Variants in EFCAB13 observed in about 807,000 individuals in gnomAD.
EFCAB13 encodes EF-hand calcium binding domain 13.
In EFCAB13, 91 loss-of-function variants were observed where a neutral mutation model predicts 110.2. That is an observed-to-expected ratio of 0.83 (90% CI 0.70 to 0.98). The LOEUF is 0.98. Ranked by LOEUF, EFCAB13 falls within the 50% of genes least tolerant of loss-of-function variation. The pLI, the probability that EFCAB13 is intolerant of heterozygous loss-of-function variation, is 0.00. For missense variants in EFCAB13, 968 were observed against 1,119.4 expected (o/e 0.86, Z 1.93); for synonymous variants, 323 against 369.9 (o/e 0.87, Z 1.45).
intron 5 of EFCAB13, among the ~76,000 whole-genome samples, chr17:47,338,326 C>T (rs766485095): frequency 3.3e-5 from 5 of 150,516 alleles, no homozygotes; most frequent in Non-Finnish European, 5.9e-5. Flanking sequence ...CGTAGCTCAT[C>T]GCAGCCTGGA....
intron 24 of EFCAB13, among the ~76,000 whole-genome samples, chr17:47,439,563 T>C (rs1369657198): frequency 6.6e-6 from 1 of 152,192 alleles, no homozygotes; most frequent in African/African-American, 2.4e-5. Context: ...TACAAATGTT[T>C]AATATTCTGC....
intron 23 of EFCAB13, among the ~76,000 whole-genome samples, chr17:47,424,745 A>C (rs1037615413): frequency 6.6e-6 from 1 of 151,982 alleles, no homozygotes; most frequent in African/African-American, 2.4e-5. Context: ...CAGTACATTT[A>C]GAAGAGATCC....
chr17:47,397,222 C>A (rs563782665), intron 17 of EFCAB13, among the ~76,000 whole-genome samples: 1 of 152,158 alleles, frequency 6.6e-6, no homozygotes, highest in Admixed American at 6.5e-5. Context: ...CTGTGTTGGC[C>A]GGGCTGGTCT....
intron 24 of EFCAB13, among the ~76,000 whole-genome samples, chr17:47,438,115 C>T (rs1286922756): frequency 6.6e-6 from 1 of 152,136 alleles, no homozygotes; most frequent in Non-Finnish European, 1.5e-5. Flanking sequence ...GGGCCCTAAT[C>T]CCTTCTACCT....
At chr17:47,417,498 C>T (rs540790635) in intron 23 of EFCAB13, among the ~76,000 whole-genome samples, 191 of 152,246 alleles carry the variant, frequency 1.3e-3, no homozygotes, top group African/African-American at 4.3e-3. Context: ...CTCTTCTACC[C>T]GATTGTCTAA....
intron 11 of EFCAB13, among the ~76,000 whole-genome samples, chr17:47,373,072 G>A (rs1254119043): frequency 2.6e-5 from 4 of 151,818 alleles, no homozygotes; most frequent in African/African-American, 9.7e-5. Context: ...TTTGGATGCT[G>A]TCCCATAAAT....
intron 4 of EFCAB13, chr17:47,328,976 C>T (rs549520012): frequency 6.6e-6 from 1 of 152,118 alleles, no homozygotes; most frequent in Non-Finnish European, 1.5e-5. Flanking sequence ...ACCGTAAGAT[C>T]TGTAGGTGTC....
At chr17:47,336,028 T>C (rs1215829053) in intron 5 of EFCAB13, among the ~76,000 whole-genome samples, 1 of 152,206 alleles carries the variant, frequency 6.6e-6, no homozygotes, top group Non-Finnish European at 1.5e-5. Context: ...GTTATCCATA[T>C]GTCTGTTAAG....
chr17:47,440,113 A>G (rs1359601027), intron 24 of EFCAB13, among the ~76,000 whole-genome samples: 1 of 152,088 alleles, frequency 6.6e-6, no homozygotes, highest in African/African-American at 2.4e-5. Flanking sequence ...GGAATAATCA[A>G]TTTTTTTAAA....
At chr17:47,411,061 G>A (rs2065831900) in intron 21 of EFCAB13, among the ~76,000 whole-genome samples, 1 of 152,150 alleles carries the variant, frequency 6.6e-6, no homozygotes, top group Admixed American at 6.5e-5. Context: ...ACCTAGCAGA[G>A]TCCTGGCTCT....
chr17:47,337,483 TAAAA>T (rs201388848), intron 5 of EFCAB13, among the ~76,000 whole-genome samples: 1 of 151,994 alleles, frequency 6.6e-6, no homozygotes, highest in African/African-American at 2.4e-5. Context: ...TATATAAAAA[TAAAA>T]AAAATTTAAA....
chr17:47,408,855 A>G (rs2065819313), intron 20 of EFCAB13, among the ~76,000 whole-genome samples: 1 of 152,098 alleles, frequency 6.6e-6, no homozygotes, highest in Non-Finnish European at 1.5e-5. Flanking sequence ...GCCCCCCCCA[A>G]TAATTATCTG....
Position 47,357,634 on chromosome 17 carries a change from C to T in EFCAB13, c.662-3744C>T, listed in dbSNP as rs183181754. 3.2e-4 allele frequency among the ~76,000 whole-genome samples: 48 copies of T among 152,286 alleles called. 1 individual carries two copies. Among genetic ancestry groups the T allele is most frequent in the Admixed American group, 2.1e-3 (32 of 15,304 alleles). On this transcript the variant is annotated intron_variant, in intron 9 of 24. Coordinates refer to ENST00000331493, the MANE Select transcript of EFCAB13 (RefSeq NM_152347.5). ...TTCACCATGTTGGCCAGGCTGGTCT[C>T]GAACTCCTAACCTCAGGTGATCCAC...
chr17:47,438,735 T>C (rs747699076), intron 24 of EFCAB13, among the ~76,000 whole-genome samples: 4 of 152,262 alleles, frequency 2.6e-5, no homozygotes, highest in Non-Finnish European at 5.9e-5. Context: ...GGGCTTTGTC[T>C]TTCTCTGGTC....
intron 8 of EFCAB13, among the ~76,000 whole-genome samples, chr17:47,347,435 A>G (rs528522427): frequency 6.6e-6 from 1 of 152,334 alleles, no homozygotes; most frequent in South Asian, 2.1e-4. Context: ...CTTGCTCCAT[A>G]GAAGCTGACA....
chr17:47,377,397 A>G (rs1460719485), intron 12 of EFCAB13, among the ~76,000 whole-genome samples: 1 of 152,038 alleles, frequency 6.6e-6, no homozygotes, highest in Non-Finnish European at 1.5e-5. Context: ...CTTGACCTCC[A>G]ATGACCCACC....
intron 10 of EFCAB13, among the ~76,000 whole-genome samples, chr17:47,362,819 C>T (rs1175289296): frequency 3.9e-5 from 6 of 152,198 alleles, no homozygotes; most frequent in South Asian, 2.1e-4. Context: ...CCAGTGGACA[C>T]GTAACCCATG....
chr17:47,376,875 A>G (rs994402501), intron 12 of EFCAB13, among the ~76,000 whole-genome samples: 6 of 152,208 alleles, frequency 3.9e-5, no homozygotes, highest in Non-Finnish European at 8.8e-5. Flanking sequence ...GTTGTCTTGT[A>G]TAATACTCTT....
intron 24 of EFCAB13, among the ~76,000 whole-genome samples, chr17:47,436,363 T>C (rs1356595143): frequency 6.6e-6 from 1 of 152,192 alleles, no homozygotes; most frequent in African/African-American, 2.4e-5. Context: ...AATTCTTCTT[T>C]GAATGTCTAG....
Sources: allele counts gnomAD v4.1 joint callset (sites outside exome capture counted in the v4.1 genomes callset), GRCh38; gene constraint gnomAD v4.1.1; transcripts MANE v1.5; gene names NCBI Gene and HGNC (gene_info 2026-07-23, HGNC 2026-07-21).